SCNN1A: variants seen among roughly 807,000 people sequenced by gnomAD.
SCNN1A encodes the protein sodium channel epithelial 1 subunit alpha.
SCNN1A carries 65 observed loss-of-function variants against 68.6 expected under a neutral mutation model. The ratio of observed to expected loss-of-function variants is 0.95; its 90% confidence interval spans 0.78 to 1.16. The LOEUF is 1.16. Among genes scored for constraint, SCNN1A ranks in the 50% most tolerant of loss-of-function variants. The pLI is 0.00. For missense variants in SCNN1A, 880 were observed against 865.9 expected (o/e 1.02, Z -0.20); for synonymous variants, 357 against 353.3 (o/e 1.01, Z -0.12).
At position 6,349,308 on chromosome 12, in the gene SCNN1A, C is replaced by G. The variant is rs766990615; in HGVS notation, c.1439+19G>C. Reference sequence around the variant, plus strand: ...ACCTGTATTCTACCCAACCTGTACCCGGGGAAGGGGACACTAACCTGCATG... The same window carrying G: ...ACCTGTATTCTACCCAACCTGTACCGGGGGAAGGGGACACTAACCTGCATG... On this transcript the variant is annotated intron_variant, in intron 9 of 12. Transcript: ENST00000228916. The G allele has an allele frequency of 1.2e-6, 2 of 1,613,500 alleles. No individual in the cohort carries two copies. Among genetic ancestry groups the G allele is most frequent in the Non-Finnish European group, 1.7e-6 (2 of 1,179,698 alleles).
chr12:6,362,301 G>T, intron 3 of SCNN1A, 60 bp from the exon 4 acceptor site: 2 of 1,459,178 alleles, frequency 1.4e-6, no homozygotes, highest in Non-Finnish European at 1.9e-6. Context: ...CCTTGGCAGG[G>T]CCAAGGGCAA....
At chr12:6,368,410 T>A (rs540322983) in intron 2 of SCNN1A, among the ~76,000 whole-genome samples, 1 of 152,350 alleles carries the variant, frequency 6.6e-6, no homozygotes, top group Non-Finnish European at 1.5e-5. Context: ...CAAAACTCTG[T>A]GATTGCTATA....
At chr12:6,369,205 C>A (rs534800779) in intron 2 of SCNN1A, among the ~76,000 whole-genome samples, 1 of 152,178 alleles carries the variant, frequency 6.6e-6, no homozygotes, top group South Asian at 2.1e-4. Context: ...TGGCCACACT[C>A]CTCTCCCCTG....
chr12:6,367,975 C>T (rs1948708855), intron 2 of SCNN1A, among the ~76,000 whole-genome samples: 1 of 152,186 alleles, frequency 6.6e-6, no homozygotes, highest in Non-Finnish European at 1.5e-5. Flanking sequence ...CCCTGAACTT[C>T]TCACAGGAGA....
chr12:6,355,519 GC>G, intron 5 of SCNN1A, 84 bp from the exon 6 acceptor site: 1 of 1,498,950 alleles, frequency 6.7e-7, no homozygotes, highest in Non-Finnish European at 9.1e-7. Context: ...TCCCTTCCTT[GC>G]CCAGTCTCTA....
At position 6,351,583 on chromosome 12, in the gene SCNN1A, C is replaced by T. The variant is rs1037635018; in HGVS notation, c.1361-2178G>A. Among the ~76,000 whole-genome samples, 7 of 150,364 alleles carry T rather than the reference C, an allele frequency of 4.7e-5. No individual in the cohort carries two copies. Among genetic ancestry groups the T allele is most frequent in the Admixed American group, 1.3e-4 (2 of 15,092 alleles). On this transcript the variant is annotated intron_variant, in intron 8 of 12. Transcript: ENST00000228916. The surrounding 1 kb of genome is among the most constrained non-coding windows in gnomAD (Gnocchi z 4.2). Reference sequence around the variant, plus strand: ...CAGAGGTAGCAGTGAGCCAAGATCGCGCCACTGCACTCCAGTCTGGGCGAC... The same window carrying T: ...CAGAGGTAGCAGTGAGCCAAGATCGTGCCACTGCACTCCAGTCTGGGCGAC...
In SCNN1A at chr12:6,354,820, TA is replaced by T. The variant is rs1280276583; in HGVS notation, c.1171del (p.Tyr391MetfsTer35). 2 of 1,614,014 alleles carry T rather than the reference TA, an allele frequency of 1.2e-6. No homozygotes were observed. The highest frequency in any genetic ancestry group is 1.7e-6 in the Non-Finnish European group (2 of 1,179,980). The stretch of plus-strand genomic sequence containing the variant: ...ACTGCCATTCTTGGTGCAGTCGCCA[TA>T]ATCGCCCCCAAGTCTGTCCAGGGTT... The part of the protein sequence containing the change: ...KETLDRLGGD[Y>X]GDCTKNGSDV... On this transcript the variant is annotated frameshift_variant, in exon 7 of 13. Transcript: ENST00000228916. LOFTEE classifies it high-confidence loss of function.
Position 6,349,009 on chromosome 12 carries a change from G to A in SCNN1A, c.1498-4C>T. The A allele has an allele frequency of 6.2e-7, 1 of 1,613,952 alleles. No individual in the cohort carries two copies. Among genetic ancestry groups the A allele is most frequent in the Non-Finnish European group, 8.5e-7 (1 of 1,179,884 alleles). On this transcript the variant is annotated splice_polypyrimidine_tract_variant and splice_region_variant and intron_variant, in intron 10 of 12. Transcript: ENST00000228916. Reference sequence around the variant, plus strand: ...ATAGCATCTGGAAGACCCATTCCTAGGAAAGAATGGGGGTGTCATCAAGGT... The same window carrying A: ...ATAGCATCTGGAAGACCCATTCCTAAGAAAGAATGGGGGTGTCATCAAGGT...
At chr12:6,356,212 G>A (rs1948495824) in intron 4 of SCNN1A, 2 of 394,452 alleles carry the variant, frequency 5.1e-6, no homozygotes, top group Middle Eastern at 7.7e-4. Flanking sequence ...TGGGTTCACC[G>A]GCATTGACTT....
Position 6,362,169 on chromosome 12 carries a change from G to C in SCNN1A, c.757C>G (p.Arg253Gly). ...SGVDAVREWY[R>G]FHYINILSRL... ...GACAGGATGTTGATGTAGTGGAAGCGGTACCACTCCCTCACCGCATCCACC... is the reference window on the plus strand; with the variant it reads ...GACAGGATGTTGATGTAGTGGAAGCCGTACCACTCCCTCACCGCATCCACC... Residue 253 changes from arginine (R) to glycine (G), a missense_variant, in exon 4 of 13, where the codon CGC becomes GGC. Arg to Gly is a moderately radical substitution (Grantham distance 125, BLOSUM62 -2). Coordinates refer to ENST00000228916, the MANE Select transcript of SCNN1A (RefSeq NM_001038.6). 1 of 1,614,164 alleles carries C rather than the reference G, an allele frequency of 6.2e-7. No individual in the cohort carries two copies. The highest frequency in any genetic ancestry group is 8.5e-7 in the Non-Finnish European group (1 of 1,179,976).
chr12:6,375,426 C>T (rs1948887589), intron 1 of SCNN1A, 79 bp downstream of exon 1: 3 of 1,531,300 alleles, frequency 2.0e-6, no homozygotes, highest in Non-Finnish European at 2.6e-6. Flanking sequence ...CCTCCAGCTT[C>T]CCACTCCCAG....
chr12:6,376,593 T>G (rs1038778949), upstream of SCNN1A, among the ~76,000 whole-genome samples: 6 of 152,200 alleles, frequency 3.9e-5, no homozygotes, highest in African/African-American at 1.4e-4. Context: ...ATGGGCTATA[T>G]TTTCTCCAAA....
chr12:6,359,941 T>G (rs548922553), intron 4 of SCNN1A, among the ~76,000 whole-genome samples: 1 of 152,182 alleles, frequency 6.6e-6, no homozygotes, highest in Admixed American at 6.6e-5. Context: ...CGGCTAATTT[T>G]TATATTTCCA....
intron 8 of SCNN1A, among the ~76,000 whole-genome samples, chr12:6,354,114 C>G (rs1354695303): frequency 6.6e-6 from 1 of 151,698 alleles, no homozygotes; most frequent in African/African-American, 2.4e-5. Flanking sequence ...GCCTGTAGTC[C>G]CAGCTATTCA....
chr12:6,354,240 GA>G (rs1300744893), intron 8 of SCNN1A, among the ~76,000 whole-genome samples, 197 bp downstream of exon 8: 1 of 151,632 alleles, frequency 6.6e-6, no homozygotes, highest in African/African-American at 2.4e-5. Flanking sequence ...CAAAAAAATA[GA>G]AAAAAAGAGA....
chr12:6,353,385 C>T (rs570751723), intron 8 of SCNN1A, among the ~76,000 whole-genome samples: 9 of 152,042 alleles, frequency 5.9e-5, no homozygotes, highest in Non-Finnish European at 1.0e-4. Flanking sequence ...ATATTTTCTT[C>T]CTGCTCCCCA....
chr12:6,362,666 A>G (rs1171010634), intron 3 of SCNN1A, among the ~76,000 whole-genome samples: 1 of 150,402 alleles, frequency 6.6e-6, no homozygotes, highest in Non-Finnish European at 1.5e-5. Flanking sequence ...CTCCTCCCTC[A>G]TTTTCCCTTG....
chr12:6,359,712 C>A (rs139509228), intron 4 of SCNN1A, among the ~76,000 whole-genome samples: 72 of 151,690 alleles, frequency 4.7e-4, no homozygotes, highest in African/African-American at 1.7e-3. Flanking sequence ...TCTGCAGAAC[C>A]CTGAGCCAAT....
intron 6 of SCNN1A, 136 bp downstream of exon 6, chr12:6,355,136 C>T: frequency 2.0e-6 from 2 of 1,017,056 alleles, no homozygotes; most frequent in Non-Finnish European, 3.0e-6. Flanking sequence ...CCCTCTGCCC[C>T]TCATTCCTGC....
Sources: allele counts gnomAD v4.1 joint callset (sites outside exome capture counted in the v4.1 genomes callset), GRCh38; gene constraint gnomAD v4.1.1; non-coding constraint Gnocchi (gnomAD v3.1); transcripts MANE v1.5; gene names NCBI Gene and HGNC (gene_info 2026-07-23, HGNC 2026-07-21).